SPECC1L: variants seen among roughly 807,000 people sequenced by gnomAD.
SPECC1L encodes the protein sperm antigen with calponin homology and coiled-coil domains 1 like.
SPECC1L carries 40 observed loss-of-function variants against 116.8 expected under a neutral mutation model. The observed-to-expected ratio is 0.34, with a 90% CI of 0.27 to 0.45. The LOEUF is 0.45. Ranked by LOEUF, SPECC1L falls within the 20% of genes least tolerant of loss-of-function variation. SPECC1L has a pLI of 1.00. For synonymous variants in SPECC1L, 504 were observed against 500.6 expected, an observed-to-expected ratio of 1.01 and a Z score of -0.09; for missense variants, 1,110 against 1,373.6, an observed-to-expected ratio of 0.81 and a Z score of 3.03.
At position 24,276,782 on chromosome 22, in the gene SPECC1L, A is replaced by G. The variant is rs1253488923; in HGVS notation, c.-59A>G. 4 of 453,722 alleles carry G rather than the reference A, an allele frequency of 8.8e-6. No individual in the cohort carries two copies. Among genetic ancestry groups the G allele is most frequent in the South Asian group, 4.7e-5 (3 of 64,396 alleles). The allele number at this position is 453,722 out of a possible 1,614,324, so 28.1% of individuals were successfully genotyped here. A position where few individuals can be genotyped will look rare whatever the true frequency, so the allele number is the denominator to read the frequency against. On this transcript the variant is annotated 5_prime_UTR_variant, in exon 2 of 17. Transcript: ENST00000314328. Reference sequence around the variant, plus strand: ...GTTCCTGAGGCAGTCCGATGGGGCTACTTTATTCCAGAACAATCACAGTGA... The same window carrying G: ...GTTCCTGAGGCAGTCCGATGGGGCTGCTTTATTCCAGAACAATCACAGTGA...
Position 24,321,580 on chromosome 22 carries a change from A to C in SPECC1L, c.600A>C (p.Leu200Phe), listed in dbSNP as rs56112030. The change falls in exon 5 of 17, where the codon TTA becomes TTC. Residue 200 changes from leucine to phenylalanine, a missense_variant. Coordinates refer to ENST00000314328, the MANE Select transcript of SPECC1L (RefSeq NM_015330.6). ...TLAKTKDVEILHLRNELRDMR... is the reference protein window; with the variant it reads ...TLAKTKDVEIFHLRNELRDMR... Reference sequence around the variant, plus strand: ...CAAAAACCAAAGACGTAGAAATTTTACATTTGAGAAATGAACTGCGAGACA... The same window carrying C: ...CAAAAACCAAAGACGTAGAAATTTTCCATTTGAGAAATGAACTGCGAGACA... 1 of 1,614,244 alleles carries C rather than the reference A, an allele frequency of 6.2e-7. No individual in the cohort carries two copies. Among genetic ancestry groups the C allele is most frequent in the South Asian group, 1.1e-5 (1 of 91,092 alleles).
chr22:24,328,827 A>C lies in SPECC1L; in HGVS notation c.2147-19A>C, dbSNP rs1569422937. 1 of 1,591,826 alleles carries C rather than the reference A, an allele frequency of 6.3e-7. No individual in the cohort carries two copies. Among genetic ancestry groups the C allele is most frequent in the East Asian group, 2.2e-5 (1 of 44,680 alleles). On this transcript the variant is annotated intron_variant, in intron 6 of 16. Transcript: ENST00000314328. ...GATTGTTGTGAGAATAGATATTTAA[A>C]CTTTGGTGATCTTTTCAGATACAGT...
rs981703396 is a variant in SPECC1L, at chr22:24,415,489, A to C, written c.*866A>C. 1 of 152,648 alleles carries C rather than the reference A, an allele frequency of 6.6e-6. No individual in the cohort carries two copies. Among genetic ancestry groups the C allele is most frequent in the East Asian group, 1.9e-4 (1 of 5,202 alleles). 9.5% of individuals were successfully genotyped at this position (152,648 alleles called of 1,614,324 possible). ...CCTGTTCTGTTAGTACCAAAGTTAC[A>C]TTGTTTCAATAAGCATAGAAATCTA... On this transcript the variant is annotated 3_prime_UTR_variant, in exon 17 of 17. Transcript: ENST00000314328.
chr22:24,280,779 A>G (rs2048927640), intron 2 of SPECC1L, among the ~76,000 whole-genome samples: 1 of 151,856 alleles, frequency 6.6e-6, no homozygotes, highest in Admixed American at 6.6e-5. Flanking sequence ...GCGTTTCACC[A>G]TGTTGGCCAG....
chr22:24,404,455 G>C (rs948831579), intron 14 of SPECC1L, among the ~76,000 whole-genome samples: 1 of 152,160 alleles, frequency 6.6e-6, no homozygotes, highest in African/African-American at 2.4e-5. Context: ...CTCTGCCTCT[G>C]TGAAGGCCAC....
At chr22:24,399,823 A>T (rs2042438039) in intron 14 of SPECC1L, among the ~76,000 whole-genome samples, 1 of 152,184 alleles carries the variant, frequency 6.6e-6, no homozygotes, top group Non-Finnish European at 1.5e-5. Flanking sequence ...AGAGGTACTC[A>T]GTTTCAAGCT....
chr22:24,363,507 G>T (rs2041686683), intron 12 of SPECC1L, among the ~76,000 whole-genome samples, 163 bp downstream of exon 12: 1 of 152,204 alleles, frequency 6.6e-6, no homozygotes, highest in African/African-American at 2.4e-5. Flanking sequence ...GATTACAGGT[G>T]TGAGCCACTG....
chr22:24,351,679 C>T (rs2041427257), intron 11 of SPECC1L, among the ~76,000 whole-genome samples: 1 of 152,152 alleles, frequency 6.6e-6, no homozygotes, highest in African/African-American at 2.4e-5. Context: ...AAGAACCACT[C>T]AGAAAACTAA....
intron 7 of SPECC1L, among the ~76,000 whole-genome samples, chr22:24,329,821 A>G (rs2040903405): frequency 6.8e-6 from 1 of 147,974 alleles, no homozygotes; most frequent in Non-Finnish European, 1.5e-5. Context: ...TTTTCCTGTT[A>G]GATTTTGATG....
In SPECC1L at chr22:24,409,256, T is replaced by A. The variant is rs183705818; in HGVS notation, c.3088-2332T>A. On this transcript the variant is annotated intron_variant, in intron 14 of 16. Coordinates refer to ENST00000314328, the MANE Select transcript of SPECC1L (RefSeq NM_015330.6). The stretch of plus-strand genomic sequence containing the variant: ...ACGGTTTGCATTGAATAATAAAATT[T>A]GGGCTTTCTCAGTCCTAAAATAATA... Among the ~76,000 whole-genome samples, 4 of 152,302 alleles carry A rather than the reference T, an allele frequency of 2.6e-5. No homozygotes were observed. In the East Asian group the frequency reaches 7.7e-4, roughly 29 times the overall value.
At chr22:24,404,611 C>G (rs2042550248) in intron 14 of SPECC1L, among the ~76,000 whole-genome samples, 1 of 152,188 alleles carries the variant, frequency 6.6e-6, no homozygotes, top group Non-Finnish European at 1.5e-5. Context: ...ACCCACCACT[C>G]CAGCCCAACT....
chr22:24,321,433 C>A lies in SPECC1L; in HGVS notation c.453C>A (p.Ala151=), dbSNP rs2040721372. 1 of 1,614,088 alleles carries A rather than the reference C, an allele frequency of 6.2e-7. No individual in the cohort carries two copies. Among genetic ancestry groups the A allele is most frequent in the Admixed American group, 1.7e-5 (1 of 60,014 alleles). Residue 151 remains alanine (A), a synonymous_variant, in exon 5 of 17, where the codon GCC becomes GCA. Coordinates refer to ENST00000314328, the MANE Select transcript of SPECC1L (RefSeq NM_015330.6). Reference sequence around the variant, plus strand: ...AGGGAGCTAATGACATGGCATTGGCCAAACGTTCCCGCAGTCGAACTGCTA... The same window carrying A: ...AGGGAGCTAATGACATGGCATTGGCAAAACGTTCCCGCAGTCGAACTGCTA... ...AGQGANDMAL[A]KRSRSRTATE...
At chr22:24,403,242 C>G (rs951291800) in intron 14 of SPECC1L, among the ~76,000 whole-genome samples, 5 of 152,092 alleles carry the variant, frequency 3.3e-5, no homozygotes, top group African/African-American at 1.2e-4. Flanking sequence ...CACATGTCAT[C>G]TCTCTTGTTT....
At chr22:24,368,571 A>G (rs1407265389) in intron 13 of SPECC1L, among the ~76,000 whole-genome samples, 1 of 152,216 alleles carries the variant, frequency 6.6e-6, no homozygotes, top group Non-Finnish European at 1.5e-5. Flanking sequence ...TGCACCTTGC[A>G]TAACCTTACC....
intron 16 of SPECC1L, among the ~76,000 whole-genome samples, chr22:24,413,343 C>T (rs755957318): frequency 9.2e-5 from 14 of 152,288 alleles, no homozygotes; most frequent in Non-Finnish European, 2.1e-4. Flanking sequence ...ACTTCTACAC[C>T]CAGAGACGCT....
chr22:24,387,909 C>T (rs1384480618), intron 14 of SPECC1L, among the ~76,000 whole-genome samples: 1 of 152,074 alleles, frequency 6.6e-6, no homozygotes, highest in Non-Finnish European at 1.5e-5. Context: ...TAGAGACAGC[C>T]ATGTTTCATG....
chr22:24,299,817 C>T (rs1300489537), intron 2 of SPECC1L, among the ~76,000 whole-genome samples: 1 of 152,034 alleles, frequency 6.6e-6, no homozygotes, highest in Admixed American at 6.6e-5. Flanking sequence ...GCAACTATCA[C>T]CGTGATCTAA....
In SPECC1L at chr22:24,322,048, C is replaced by T; in HGVS notation, c.1068C>T (p.Leu356=). ...AGTGCAGTGAGGTCTACCAGCCCCTCACATCGAGCGATGATGCGCTGGATG... is the reference window on the plus strand; with the variant it reads ...AGTGCAGTGAGGTCTACCAGCCCCTTACATCGAGCGATGATGCGCTGGATG... ...DSECSEVYQP[L]TSSDDALDAP... The change falls in exon 5 of 17, where the codon CTC becomes CTT. Residue 356 remains leucine (L), a synonymous_variant. Coordinates refer to ENST00000314328, the MANE Select transcript of SPECC1L (RefSeq NM_015330.6). 2 of 1,614,200 alleles carry T rather than the reference C, an allele frequency of 1.2e-6. No individual in the cohort carries two copies. The highest frequency in any genetic ancestry group is 1.7e-6 in the Non-Finnish European group (2 of 1,180,042).
chr22:24,384,445 A>G (rs2042122391), intron 14 of SPECC1L, among the ~76,000 whole-genome samples: 1 of 152,262 alleles, frequency 6.6e-6, no homozygotes, highest in African/African-American at 2.4e-5. Context: ...AAGTAAATAT[A>G]TATGAATATT....
Sources: gnomAD v4.1 joint callset for allele counts (sites outside exome capture counted in the v4.1 genomes callset) on GRCh38, gnomAD v4.1.1 for gene constraint, MANE v1.5 for transcripts, NCBI Gene and HGNC (gene_info 2026-07-23, HGNC 2026-07-21) for gene names.